EPM2A: variants seen among roughly 807,000 people sequenced by gnomAD.
EPM2A encodes the protein EPM2A glucan phosphatase, laforin, also known as laforin.
In EPM2A, 21 loss-of-function variants were observed where a neutral mutation model predicts 26.5. The ratio of observed to expected loss-of-function variants is 0.79; its 90% CI spans 0.56 to 1.14. EPM2A has a LOEUF of 1.14. Among genes scored for constraint, EPM2A ranks in the 50% most tolerant of loss-of-function variants. EPM2A has a pLI of 0.00. For synonymous variants in EPM2A, 217 were observed against 177.6 expected (o/e 1.22, Z -1.76); for missense variants, 458 against 440.8 (o/e 1.04, Z -0.35).
intron 4 of EPM2A, among the ~76,000 whole-genome samples, chr6:145,469,932 T>C (rs1779451637): frequency 6.6e-6 from 1 of 152,042 alleles, no homozygotes; most frequent in South Asian, 2.1e-4. Flanking sequence ...AAAGAGAAAC[T>C]TTGCATGTTC....
Position 145,573,812 on chromosome 6 carries a change from C to T in EPM2A, c.340+61433G>A, listed in dbSNP as rs551685692. Among the ~76,000 whole-genome samples the T allele has an allele frequency of 1.9e-3, 287 of 152,178 alleles. 1 individual carries two copies. The highest frequency in any genetic ancestry group is 6.5e-3 in the African/African-American group (271 of 41,520). On this transcript the variant is annotated intron_variant, in intron 2 of 3. Transcript: ENST00000450221. ...TGACCACAGGATGAGTCCGGAGACCCGCTGGACTTACTGTAAGTCAGACTT... is the reference window on the plus strand; with the variant it reads ...TGACCACAGGATGAGTCCGGAGACCTGCTGGACTTACTGTAAGTCAGACTT...
intron 2 of EPM2A, among the ~76,000 whole-genome samples, chr6:145,611,852 T>C (rs1435234965): frequency 2.6e-5 from 4 of 152,134 alleles, no homozygotes; most frequent in Non-Finnish European, 5.9e-5. Flanking sequence ...AGTTGTTGAA[T>C]TATCTAGAAG....
At chr6:145,491,035 C>T (rs1779748085) in intron 4 of EPM2A, 1 of 901,952 alleles carries the variant, frequency 1.1e-6, no homozygotes, top group Admixed American at 1.8e-5. Flanking sequence ...TCAATTTCAA[C>T]AGGTTCTGAT....
intron 4 of EPM2A, among the ~76,000 whole-genome samples, chr6:145,447,078 A>G (rs1181304834): frequency 6.6e-6 from 1 of 152,142 alleles, no homozygotes; most frequent in Admixed American, 6.6e-5. Context: ...TCTCTTCAGT[A>G]TGGTACTGAG....
intron 4 of EPM2A, among the ~76,000 whole-genome samples, chr6:145,441,066 C>A (rs1779056678): frequency 6.6e-6 from 1 of 152,236 alleles, no homozygotes; most frequent in South Asian, 2.1e-4. Context: ...GAGGGCCCAG[C>A]CCCTGCAGCA....
chr6:145,435,776 T>G (rs1377120470), intron 4 of EPM2A, among the ~76,000 whole-genome samples: 1 of 152,090 alleles, frequency 6.6e-6, no homozygotes, highest in African/African-American at 2.4e-5. Flanking sequence ...ATAGCATGAT[T>G]TTTGTTGTTG....
intron 1 of EPM2A, among the ~76,000 whole-genome samples, chr6:145,705,318 T>TATATAG (rs1782157535): frequency 6.6e-6 from 1 of 152,086 alleles, no homozygotes; most frequent in Admixed American, 6.5e-5. Context: ...AAAATATAGA[T>TATATAG]ATATAGATAT....
At chr6:145,663,411 G>T (rs9766502) in intron 2 of EPM2A, among the ~76,000 whole-genome samples, 1 of 152,132 alleles carries the variant, frequency 6.6e-6, no homozygotes, top group Non-Finnish European at 1.5e-5. Flanking sequence ...CGCACCGTGC[G>T]TGAGCCGAAG....
intron 4 of EPM2A, among the ~76,000 whole-genome samples, chr6:145,403,382 C>G (rs1370009888): frequency 6.6e-6 from 1 of 151,588 alleles, no homozygotes; most frequent in East Asian, 1.9e-4. Flanking sequence ...CTCCCACACC[C>G]CCTCCCCCCA....
chr6:145,400,234 G>C (rs960550118), intron 4 of EPM2A, among the ~76,000 whole-genome samples: 1 of 152,090 alleles, frequency 6.6e-6, no homozygotes, highest in African/African-American at 2.4e-5. Flanking sequence ...GAGAAATCTT[G>C]GCCAAAGGCA....
intron 2 of EPM2A, among the ~76,000 whole-genome samples, chr6:145,668,691 C>T (rs1779420127): frequency 1.3e-5 from 2 of 152,112 alleles, no homozygotes; most frequent in Non-Finnish European, 2.9e-5. Context: ...ACCTCCATGG[C>T]TTTCGTTCCC....
At chr6:145,438,087 G>C (rs1258998453) in intron 4 of EPM2A, among the ~76,000 whole-genome samples, 2 of 152,186 alleles carry the variant, frequency 1.3e-5, no homozygotes, top group Non-Finnish European at 2.9e-5. Flanking sequence ...TGGTGTATGT[G>C]TGTGTGCACA....
intron 2 of EPM2A, chr6:145,637,136 G>A (rs941053500): frequency 4.6e-5 from 7 of 152,168 alleles, no homozygotes; most frequent in East Asian, 1.9e-4. Context: ...AAGTGCAAGC[G>A]GATTTCATGT....
intron 2 of EPM2A, among the ~76,000 whole-genome samples, chr6:145,582,251 A>G (rs933264468): frequency 1.3e-5 from 2 of 152,174 alleles, no homozygotes; most frequent in African/African-American, 4.8e-5. Context: ...ATGATTTTTT[A>G]GCAATCTTGT....
intron 4 of EPM2A, among the ~76,000 whole-genome samples, chr6:145,463,016 T>TA (rs1168107715): frequency 6.6e-6 from 1 of 152,146 alleles, no homozygotes; most frequent in Non-Finnish European, 1.5e-5. Flanking sequence ...TTTAGTTATA[T>TA]AAAAAACATT....
chr6:145,729,070 T>C (rs996405314), intron 1 of EPM2A, among the ~76,000 whole-genome samples: 4 of 152,216 alleles, frequency 2.6e-5, no homozygotes, highest in Admixed American at 2.0e-4. Context: ...TTCCATGTGA[T>C]GTTAAGCCAG....
intron 4 of EPM2A, chr6:145,490,139 G>T: frequency 9.0e-7 from 1 of 1,107,072 alleles, no homozygotes; most frequent in Non-Finnish European, 1.3e-6. Context: ...GGTTCAGTTT[G>T]CACACGTTTC....
intron 4 of EPM2A, among the ~76,000 whole-genome samples, chr6:145,441,752 C>T (rs536113089): frequency 1.8e-4 from 28 of 152,238 alleles, no homozygotes; most frequent in African/African-American, 6.7e-4. Flanking sequence ...GTCCCAGCTA[C>T]TTGGGAGGCT....
chr6:145,466,438 A>C (rs1187442751), intron 4 of EPM2A, among the ~76,000 whole-genome samples: 7 of 152,324 alleles, frequency 4.6e-5, no homozygotes, highest in African/African-American at 1.7e-4. Flanking sequence ...CAAAACCAAA[A>C]TGAGATACCA....
Sources: gnomAD v4.1 joint callset for allele counts (sites outside exome capture counted in the v4.1 genomes callset) on GRCh38, gnomAD v4.1.1 for gene constraint, MANE v1.5 for transcripts, NCBI Gene and HGNC (gene_info 2026-07-23, HGNC 2026-07-21) for gene names.